Variants in STPG2 observed in about 807,000 individuals in gnomAD.
The protein encoded by STPG2 is sperm tail PG-rich repeat containing 2.
A neutral mutation model predicts 54.2 loss-of-function variants in STPG2; 56 were observed. That is an observed-to-expected ratio of 1.03 (90% CI 0.83 to 1.29). The LOEUF (loss-of-function observed/expected upper bound fraction) is 1.29, where lower values mean the gene tolerates loss of function less well. Ranked by LOEUF, STPG2 falls within the 50% of genes most tolerant of loss-of-function variation. STPG2 has a pLI of 0.00. For synonymous variants in STPG2, 200 were observed against 181.8 expected, an observed-to-expected ratio of 1.10 and a Z score of -0.81; for missense variants, 596 against 544.9, an observed-to-expected ratio of 1.09 and a Z score of -0.93.
rs191643399 is a variant in STPG2, at chr4:97,455,758, C to G, written c.462+256941G>C. On this transcript the variant is annotated intron_variant, in intron 4 of 4. Transcript: ENST00000522676. The stretch of plus-strand genomic sequence containing the variant: ...GAGGGTCTAATTGAGCTTATAAACA[C>G]AAGCCACTTATGGATGGTTAAACTG... Among the ~76,000 whole-genome samples the G allele has an allele frequency of 4.2e-3, 642 of 152,292 alleles. 3 individuals are homozygous for G. Among genetic ancestry groups the G allele is most frequent in the South Asian group, 0.02 (97 of 4,814 alleles).
At chr4:98,010,970 T>C (rs1735726572) in intron 5 of STPG2, among the ~76,000 whole-genome samples, 2 of 152,328 alleles carry the variant, frequency 1.3e-5, no homozygotes, top group Admixed American at 1.3e-4. Flanking sequence ...ATTTTTTTAT[T>C]TGACTTTAAG....
At chr4:97,972,027 G>C (rs76955786) in intron 7 of STPG2, among the ~76,000 whole-genome samples, 1 of 151,814 alleles carries the variant, frequency 6.6e-6, no homozygotes, top group Non-Finnish European at 1.5e-5. Context: ...ACCTTCCCAT[G>C]AACAAATCCC....
chr4:98,022,640 CA>C (rs1736259080), intron 5 of STPG2, among the ~76,000 whole-genome samples: 1 of 152,110 alleles, frequency 6.6e-6, no homozygotes, highest in Non-Finnish European at 1.5e-5. Flanking sequence ...TTTTCCCCAT[CA>C]CTTTCAGGTA....
rs549023358 is a variant in STPG2, at chr4:97,452,860, C to T, written c.462+259839G>A. 6.6e-5 allele frequency among the ~76,000 whole-genome samples: 10 copies of T among 152,332 alleles called. No individual in the cohort carries two copies. In the South Asian group the frequency reaches 2.1e-3, roughly 32 times the overall value. On this transcript the variant is annotated intron_variant, in intron 4 of 4. Transcript: ENST00000522676. ...CTGAACACTCATCAGAACGCCCTGA[C>T]TGTGGAAAGGAGCTATCCCCTGTGG...
intron 10 of STPG2, among the ~76,000 whole-genome samples, chr4:97,665,825 C>G (rs57750317): frequency 0.12 from 18,390 of 152,028 alleles, 3,176 homozygotes; most frequent in African/African-American, 0.38. Flanking sequence ...GGCTGAGGTG[C>G]CAGGGGTTTG....
chr4:97,657,099 G>A (rs557872021), intron 10 of STPG2, among the ~76,000 whole-genome samples: 3 of 151,756 alleles, frequency 2.0e-5, no homozygotes, highest in South Asian at 2.1e-4. Context: ...TTGCCAAAAC[G>A]ATAAGAAGAA....
At chr4:97,663,515 TA>T (rs1722432383) in intron 10 of STPG2, among the ~76,000 whole-genome samples, 1 of 152,214 alleles carries the variant, frequency 6.6e-6, no homozygotes, top group Non-Finnish European at 1.5e-5. Flanking sequence ...TTCTTGCTTA[TA>T]AGGGCTTCTG....
chr4:97,782,062 G>A (rs910240996), intron 9 of STPG2, among the ~76,000 whole-genome samples: 1 of 152,194 alleles, frequency 6.6e-6, no homozygotes, highest in African/African-American at 2.4e-5. Flanking sequence ...ATTCAGCATA[G>A]TGTTGGAAGT....
chr4:98,022,907 T>C (rs1736272552), intron 5 of STPG2, among the ~76,000 whole-genome samples: 1 of 152,142 alleles, frequency 6.6e-6, no homozygotes, highest in African/African-American at 2.4e-5. Flanking sequence ...GGTATTCTAG[T>C]TATACATTCA....
At chr4:97,931,024 G>T (rs1464305713) in intron 8 of STPG2, among the ~76,000 whole-genome samples, 1 of 152,126 alleles carries the variant, frequency 6.6e-6, no homozygotes, top group African/African-American at 2.4e-5. Flanking sequence ...GACATTTGTA[G>T]ATTGATGTTA....
At chr4:97,962,986 C>G (rs143773489) in intron 7 of STPG2, among the ~76,000 whole-genome samples, 2,752 of 152,058 alleles carry the variant, frequency 0.018, 79 homozygotes, top group African/African-American at 0.062. Flanking sequence ...TGGTGAAACC[C>G]CATCTCTACT....
intron 3 of STPG2, among the ~76,000 whole-genome samples, chr4:98,109,965 A>T (rs1324244031): frequency 6.6e-6 from 1 of 152,186 alleles, no homozygotes; most frequent in Non-Finnish European, 1.5e-5. Flanking sequence ...TTCACCAGAA[A>T]CTAAAACAAT....
At chr4:97,860,950 G>A (rs1166942505) in intron 8 of STPG2, among the ~76,000 whole-genome samples, 1 of 152,032 alleles carries the variant, frequency 6.6e-6, no homozygotes, top group Non-Finnish European at 1.5e-5. Flanking sequence ...GATTTCTTGA[G>A]TAATACCCTA....
chr4:97,834,384 G>C (rs1183059406), intron 9 of STPG2, among the ~76,000 whole-genome samples: 1 of 152,092 alleles, frequency 6.6e-6, no homozygotes, highest in Non-Finnish European at 1.5e-5. Context: ...GGGAGGGATA[G>C]CACTAGGAGA....
chr4:97,450,767 G>A (rs1277839821), intron 4 of STPG2, among the ~76,000 whole-genome samples: 1 of 152,020 alleles, frequency 6.6e-6, no homozygotes, highest in Non-Finnish European at 1.5e-5. Flanking sequence ...GTAATGAGAG[G>A]CCATTAAAGT....
chr4:97,863,360 A>G (rs1729634859), intron 8 of STPG2, among the ~76,000 whole-genome samples: 1 of 152,216 alleles, frequency 6.6e-6, no homozygotes, highest in Non-Finnish European at 1.5e-5. Context: ...AAATGGATAA[A>G]TTCCTTGACA....
At chr4:98,092,362 T>C (rs1326473678) in intron 5 of STPG2, among the ~76,000 whole-genome samples, 2 of 152,048 alleles carry the variant, frequency 1.3e-5, no homozygotes, top group African/African-American at 2.4e-5. Flanking sequence ...GGGAAAAGCG[T>C]GTTTAATTAT....
intron 4 of STPG2, among the ~76,000 whole-genome samples, chr4:97,537,005 G>A (rs1459727408): frequency 6.6e-6 from 1 of 152,126 alleles, no homozygotes; most frequent in Non-Finnish European, 1.5e-5. Context: ...TTTACTAGAA[G>A]TTCACTATGG....
At chr4:98,071,667 T>G (rs1039412729) in intron 5 of STPG2, among the ~76,000 whole-genome samples, 2 of 152,146 alleles carry the variant, frequency 1.3e-5, no homozygotes, top group Non-Finnish European at 2.9e-5. Context: ...TATATCGATC[T>G]GACAAAGGTC....
Sources: allele counts gnomAD v4.1 joint callset (sites outside exome capture counted in the v4.1 genomes callset), GRCh38; gene constraint gnomAD v4.1.1; transcripts MANE v1.5; gene names NCBI Gene and HGNC (gene_info 2026-07-23, HGNC 2026-07-21).